DOCK9: variants seen among roughly 807,000 people sequenced by gnomAD.
DOCK9 encodes the protein dedicator of cytokinesis protein 9.
Under a neutral mutation model 263.3 loss-of-function variants are expected in DOCK9, and 89 were observed. The ratio of observed to expected loss-of-function variants is 0.34; its 90% CI spans 0.28 to 0.40. The LOEUF (loss-of-function observed/expected upper bound fraction) is 0.40, where lower values mean the gene tolerates loss of function less well. Ranked by LOEUF, DOCK9 falls within the 10% of genes least tolerant of loss-of-function variation. The probability of loss-of-function intolerance (pLI) is 1.00; values close to 1 mark genes in which losing one functional copy is unlikely to be tolerated. For missense variants in DOCK9, 2,140 were observed against 2,603.4 expected (o/e 0.82, Z 3.87); for synonymous variants, 976 against 973.1 (o/e 1.00, Z -0.06).
rs2089964474 is a variant in DOCK9 at position 98,800,299 on chromosome 13, C to T, written c.5905G>A (p.Val1969Met). 3 of 1,601,692 alleles carry T rather than the reference C, an allele frequency of 1.9e-6. No individual in the cohort carries two copies. The highest frequency in any genetic ancestry group is 1.7e-5 in the Admixed American group (1 of 58,104). The change falls in exon 50 of 53, where the codon GTG becomes ATG. Residue 1969 changes from valine to methionine, a missense_variant. Val to Met is a conservative substitution (Grantham distance 21). Around this residue, in one of 2 missense-constraint regions of DOCK9, gnomAD observed 619 missense variants for 861.8 expected, o/e 0.72. Transcript: ENST00000682017. The stretch of plus-strand genomic sequence containing the variant: ...TGTGCCTGGCTCACCTGAACACTCA[C>T]GCTGCCCTGGAGTTTGAGCTGCAGT... Reference protein sequence around the residue: ...IKLQLKLQGSVSVQVNAGPLA... With the variant: ...IKLQLKLQGSMSVQVNAGPLA...
chr13:98,902,375 C>T lies in DOCK9; in HGVS notation c.1293G>A (p.Thr431=), dbSNP rs142267943. The T allele has an allele frequency of 4.9e-3, 7,907 of 1,613,974 alleles. 24 individuals are homozygous for T. The highest frequency in any genetic ancestry group is 5.8e-3 in the Non-Finnish European group (6,800 of 1,179,868). ...CACTGCCATTCATCAGCGCCGGGGA[C>T]GTGGTGGCGAGCATTTGCCTCACTG... The part of the protein sequence containing the change: ...HFSVRQMLAT[T]SPALMNGSGQ... Residue 431 remains threonine, a synonymous_variant, in exon 12 of 53, where the codon ACG becomes ACA. Transcript: ENST00000682017.
chr13:99,066,567 T>C (rs2041427928), intron 1 of DOCK9, among the ~76,000 whole-genome samples: 1 of 152,212 alleles, frequency 6.6e-6, no homozygotes, highest in African/African-American at 2.4e-5. Flanking sequence ...AAGCTTAACA[T>C]GGCTTCTGGA....
intron 1 of DOCK9, among the ~76,000 whole-genome samples, chr13:99,078,354 A>G (rs4772171): frequency 0.64 from 96,643 of 151,990 alleles, 31,209 homozygotes; most frequent in East Asian, 0.9. Context: ...TGTGGTGACT[A>G]CAACAAAAAG....
chr13:99,054,910 T>G (rs2040850155), intron 1 of DOCK9, among the ~76,000 whole-genome samples: 1 of 152,190 alleles, frequency 6.6e-6, no homozygotes, highest in East Asian at 1.9e-4. Flanking sequence ...AGTTTTAAAG[T>G]GCCTTCTTCA....
intron 1 of DOCK9, among the ~76,000 whole-genome samples, chr13:99,021,162 C>T (rs1886044090): frequency 6.6e-6 from 1 of 152,162 alleles, no homozygotes; most frequent in South Asian, 2.1e-4. Flanking sequence ...ATACCACATG[C>T]TCAATAAATG....
At chr13:98,815,193 T>C (rs1454648268) in intron 45 of DOCK9, among the ~76,000 whole-genome samples, 2 of 152,104 alleles carry the variant, frequency 1.3e-5, no homozygotes, top group African/African-American at 4.8e-5. Flanking sequence ...CTTGCATTTC[T>C]GGCCTATCTT....
At chr13:98,883,737 AT>A in intron 22 of DOCK9, 75 bp downstream of exon 22, 1 of 925,072 alleles carries the variant, frequency 1.1e-6, no homozygotes, top group Non-Finnish European at 1.6e-6. Flanking sequence ...ACACATTAGG[AT>A]TTTTTTCTTC....
Position 98,810,198 on chromosome 13 carries a change from GGAT to G in DOCK9, c.5221_5223del (p.Ile1741del). ...AAATCCCTCCGCTTCTCATAAATGG[GGAT>G]GATAAGTTTGTAGATGTCGGCGATG... On this transcript the variant is annotated inframe_deletion, in exon 46 of 53. Coordinates refer to ENST00000682017, the MANE Select transcript of DOCK9 (RefSeq NM_001366683.2). The G allele has an allele frequency of 1.2e-6, 2 of 1,613,904 alleles. No individual in the cohort carries two copies. The highest frequency in any genetic ancestry group is 1.7e-6 in the Non-Finnish European group (2 of 1,179,890).
chr13:98,971,622 G>A (rs1336796173), intron 1 of DOCK9, among the ~76,000 whole-genome samples: 3 of 151,842 alleles, frequency 2.0e-5, no homozygotes, highest in Non-Finnish European at 2.9e-5. Context: ...GCAGGAGAAT[G>A]GCATGAACCC....
intron 3 of DOCK9, among the ~76,000 whole-genome samples, chr13:98,927,418 T>C (rs1327248061): frequency 2.6e-5 from 4 of 152,292 alleles, no homozygotes; most frequent in Non-Finnish European, 2.9e-5. Flanking sequence ...CGACGTGGTC[T>C]TGTGGGTGTG....
intron 9 of DOCK9, 129 bp from the exon 10 acceptor site, chr13:98,904,835 C>A: frequency 1.4e-6 from 1 of 727,494 alleles, no homozygotes; most frequent in Non-Finnish European, 2.2e-6. Context: ...TGTTGGAGAG[C>A]CGCTGTGTGT....
chr13:98,961,304 G>C (rs534375169), intron 1 of DOCK9, among the ~76,000 whole-genome samples: 1 of 152,114 alleles, frequency 6.6e-6, no homozygotes, highest in African/African-American at 2.4e-5. Context: ...TGGTAAGCCC[G>C]GGGGCCCGCC....
intron 52 of DOCK9, among the ~76,000 whole-genome samples, chr13:98,796,453 C>T (rs1020573877): frequency 3.9e-5 from 6 of 152,050 alleles, no homozygotes; most frequent in African/African-American, 1.4e-4. Flanking sequence ...TGAGACAGAC[C>T]CCTCACAAAA....
chr13:99,077,418 C>G (rs545830754), intron 1 of DOCK9, among the ~76,000 whole-genome samples: 12 of 152,246 alleles, frequency 7.9e-5, no homozygotes, highest in Non-Finnish European at 1.3e-4. Context: ...TTCTTGCCAG[C>G]CATGTGGAGA....
intron 1 of DOCK9, among the ~76,000 whole-genome samples, chr13:98,989,104 C>G (rs1263171573): frequency 6.6e-6 from 1 of 152,120 alleles, no homozygotes; most frequent in Non-Finnish European, 1.5e-5. Context: ...CTGCAATGTT[C>G]GCCCACCTCT....
At chr13:99,025,638 T>C (rs963053617) in intron 1 of DOCK9, among the ~76,000 whole-genome samples, 3 of 152,226 alleles carry the variant, frequency 2.0e-5, no homozygotes, top group Non-Finnish European at 4.4e-5. Flanking sequence ...TGGAAAATAG[T>C]CTGGCTGTTC....
At chr13:99,013,046 T>C (rs567158801) in intron 1 of DOCK9, among the ~76,000 whole-genome samples, 1 of 152,226 alleles carries the variant, frequency 6.6e-6, no homozygotes, top group Non-Finnish European at 1.5e-5. Flanking sequence ...GGCACTGTTC[T>C]AGCTGTTAGG....
intron 13 of DOCK9, among the ~76,000 whole-genome samples, chr13:98,898,605 T>C (rs1039674643): frequency 6.6e-6 from 1 of 152,232 alleles, no homozygotes; most frequent in Non-Finnish European, 1.5e-5. Flanking sequence ...TTATTAATAA[T>C]TACTATTTGG....
At chr13:98,850,218 C>T in intron 35 of DOCK9, 105 bp from the exon 36 acceptor site, 1 of 796,846 alleles carries the variant, frequency 1.3e-6, no homozygotes. Flanking sequence ...GGCCTCTAAA[C>T]CCTGGAGTGT....
Sources: gnomAD v4.1 joint callset for allele counts (sites outside exome capture counted in the v4.1 genomes callset) on GRCh38, gnomAD v4.1.1 for gene constraint, gnomAD v4.1.1 regional missense constraint, MANE v1.5 for transcripts, NCBI Gene and HGNC (gene_info 2026-07-23, HGNC 2026-07-21) for gene names.